FAM120B: variants seen among roughly 807,000 people sequenced by gnomAD.
FAM120B encodes the protein family with sequence similarity 120 member B.
In FAM120B, 83 loss-of-function variants were observed where a neutral mutation model predicts 96.3. The observed-to-expected ratio is 0.86, with a 90% CI of 0.72 to 1.03. The LOEUF (loss-of-function observed/expected upper bound fraction) is 1.03, where lower values mean the gene tolerates loss of function less well. Among genes scored for constraint, FAM120B ranks in the 50% least tolerant of loss-of-function variants. The pLI is 0.00. For missense variants in FAM120B, 1,027 were observed against 1,121.2 expected, an observed-to-expected ratio of 0.92 and a Z score of 1.20; for synonymous variants, 407 against 402.7, an observed-to-expected ratio of 1.01 and a Z score of -0.13.
At chr6:170,392,132 T>C (rs976912762) in intron 8 of FAM120B, among the ~76,000 whole-genome samples, 3 of 152,262 alleles carry the variant, frequency 2.0e-5, no homozygotes, top group Non-Finnish European at 1.5e-5. Flanking sequence ...AAATGATCAC[T>C]GAATACCTTC....
chr6:170,300,716 G>A (rs897411891), intron 1 of FAM120B, among the ~76,000 whole-genome samples: 4 of 152,232 alleles, frequency 2.6e-5, no homozygotes, highest in Non-Finnish European at 5.9e-5. Context: ...GGAGACACTG[G>A]CCAAAACAAA....
chr6:170,341,515 G>A (rs1045697752), intron 4 of FAM120B, among the ~76,000 whole-genome samples: 11 of 152,126 alleles, frequency 7.2e-5, no homozygotes, highest in South Asian at 4.1e-4. Flanking sequence ...GTTCTGTCTC[G>A]CAGGGATTCC....
intron 8 of FAM120B, 70 bp downstream of exon 8, chr6:170,391,191 A>G (rs561316540): frequency 3.4e-5 from 35 of 1,024,378 alleles, no homozygotes; most frequent in Non-Finnish European, 5.2e-5. Flanking sequence ...AGTTTTGTTG[A>G]TAAATGAATT....
rs1428457123 is a variant in FAM120B, at chr6:170,388,280, T to C, written c.2284-7T>C. The C allele has an allele frequency of 1.9e-6, 3 of 1,613,084 alleles. No individual in the cohort carries two copies. Among genetic ancestry groups the C allele is most frequent in the Non-Finnish European group, 2.5e-6 (3 of 1,179,880 alleles). On this transcript the variant is annotated splice_region_variant and splice_polypyrimidine_tract_variant and intron_variant, in intron 6 of 10. Transcript: ENST00000476287. ...TACATTTTTGGTGTGTGTTCTGGTC[T>C]CCACAGCCTGATTACATCAACCCCA... is the stretch of plus-strand genomic sequence containing the variant.
chr6:170,388,348 C>G lies in FAM120B; in HGVS notation c.2345C>G (p.Thr782Ser), dbSNP rs1790308241. 6.2e-7 allele frequency: 1 copy of G among 1,614,086 alleles called. No individual in the cohort carries two copies. Among genetic ancestry groups the G allele is most frequent in the Non-Finnish European group, 8.5e-7 (1 of 1,180,048 alleles). ...LGSLLVRGLTTLVLVNSACGF... is the reference protein window; with the variant it reads ...LGSLLVRGLTSLVLVNSACGF... ...TCCCTTCTCGTCCGCGGCCTCACCA[C>G]TCTGGTTTTAGTCAACAGCGCATGT... Residue 782 changes from threonine (T) to serine (S), a missense_variant, in exon 7 of 11, where the codon ACT becomes AGT. Physicochemically the swap from Thr to Ser is moderately conservative, Grantham distance 58. Around this residue, in one of 3 missense-constraint regions of FAM120B, gnomAD observed 880 missense variants for 980.9 expected, o/e 0.90. Transcript: ENST00000476287.
chr6:170,290,851 C>G, upstream of FAM120B: 1 of 652,346 alleles, frequency 1.5e-6, no homozygotes, highest in South Asian at 1.7e-5. This position sits in a 1 kb window ranked among gnomAD's most constrained non-coding sequence, Gnocchi z 4.7. Flanking sequence ...GGAGGAGGCT[C>G]TGCGCCGCGG....
At chr6:170,343,848 C>G (rs1644070352) in intron 4 of FAM120B, among the ~76,000 whole-genome samples, 1 of 152,128 alleles carries the variant, frequency 6.6e-6, no homozygotes, top group Non-Finnish European at 1.5e-5. Context: ...AAGTTGTTTA[C>G]CAGCTTTGTT....
rs142226645 is a variant in FAM120B, at chr6:170,340,811, C to T, written c.2018-7340C>T. Among the ~76,000 whole-genome samples, 264 of 152,156 alleles carry T rather than the reference C, an allele frequency of 1.7e-3. 7 individuals carry two copies. In the East Asian group the frequency reaches 0.047, roughly 27 times the overall value. ...TACCCTGTTTGCCTGGTATCACCAG[C>T]GGAGGCTGCAGAACAGCAAATATTG... On this transcript the variant is annotated intron_variant, in intron 4 of 10. Coordinates refer to ENST00000476287, the MANE Select transcript of FAM120B (RefSeq NM_032448.3).
chr6:170,334,713 C>A (rs1464754008), intron 4 of FAM120B, among the ~76,000 whole-genome samples: 1 of 152,118 alleles, frequency 6.6e-6, no homozygotes, highest in African/African-American at 2.4e-5. Context: ...AGTTTTTCAC[C>A]AACTTGTAAA....
chr6:170,354,487 G>C (rs976109603), intron 5 of FAM120B, among the ~76,000 whole-genome samples: 2 of 152,050 alleles, frequency 1.3e-5, no homozygotes, highest in African/African-American at 4.8e-5. Context: ...CCTACAGAAT[G>C]GGAGAAAATT....
intron 1 of FAM120B, among the ~76,000 whole-genome samples, chr6:170,315,676 A>G (rs766614702): frequency 1.3e-5 from 2 of 152,298 alleles, no homozygotes; most frequent in Middle Eastern, 3.4e-3. Context: ...TGTGCTATTT[A>G]TGTTCACCCA....
chr6:170,400,592 C>T (rs984508521), intron 9 of FAM120B, among the ~76,000 whole-genome samples: 7 of 152,150 alleles, frequency 4.6e-5, no homozygotes, highest in Admixed American at 2.0e-4. Flanking sequence ...GTGGCCTGAC[C>T]GGCTGCAGGG....
At chr6:170,347,858 A>G (rs1441386643) in intron 4 of FAM120B, among the ~76,000 whole-genome samples, 1 of 152,198 alleles carries the variant, frequency 6.6e-6, no homozygotes, top group Non-Finnish European at 1.5e-5. Context: ...TATATCCTTG[A>G]GACAGCGCAT....
At chr6:170,300,821 C>T (rs1033957872) in intron 1 of FAM120B, among the ~76,000 whole-genome samples, 5 of 152,242 alleles carry the variant, frequency 3.3e-5, no homozygotes, top group Admixed American at 2.6e-4. Context: ...TGTTTCACAT[C>T]CATGTCACAC....
chr6:170,346,699 AT>A (rs66702612), intron 4 of FAM120B, among the ~76,000 whole-genome samples: 4,977 of 152,234 alleles, frequency 0.033, 120 homozygotes, highest in Middle Eastern at 0.12. Flanking sequence ...GCATCATGAA[AT>A]ATCATTTTTA....
intron 6 of FAM120B, among the ~76,000 whole-genome samples, chr6:170,368,829 G>GGT (rs1554287969): frequency 5.4e-5 from 8 of 148,886 alleles, no homozygotes; most frequent in Non-Finnish European, 8.9e-5. Context: ...CTGGGGGGGG[G>GGT]GCTCCCTCCT....
intron 6 of FAM120B, among the ~76,000 whole-genome samples, chr6:170,362,336 G>A (rs1788509907): frequency 1.3e-5 from 2 of 152,170 alleles, no homozygotes; most frequent in South Asian, 4.1e-4. Context: ...CTCCACAGCT[G>A]GTGCCCTTGT....
intron 3 of FAM120B, among the ~76,000 whole-genome samples, chr6:170,326,110 A>G (rs1020603785): frequency 1.3e-5 from 2 of 152,202 alleles, no homozygotes; most frequent in African/African-American, 4.8e-5. Flanking sequence ...AGTTGCAAGA[A>G]TAGTACATAG....
intron 4 of FAM120B, among the ~76,000 whole-genome samples, chr6:170,341,248 G>A (rs942989264): frequency 3.9e-5 from 6 of 152,194 alleles, no homozygotes; most frequent in Non-Finnish European, 5.9e-5. Context: ...CCACTTTGCC[G>A]CACTGTGGTG....
Sources: allele counts gnomAD v4.1 joint callset (sites outside exome capture counted in the v4.1 genomes callset), GRCh38; gene constraint gnomAD v4.1.1; regional missense constraint gnomAD v4.1.1; non-coding constraint Gnocchi (gnomAD v3.1); transcripts MANE v1.5; gene names NCBI Gene and HGNC (gene_info 2026-07-23, HGNC 2026-07-21).